The following ARK2C variants were observed in gnomAD, a reference collection of about 807,000 sequenced individuals.
ARK2C encodes arkadia (RNF111) C-terminal like ring finger ubiquitin ligase 2C.
the ARK2C span, among the ~76,000 whole-genome samples, chr18:46,437,011 C>T: frequency 0.036 from 5,421 of 152,296 alleles, 120 homozygotes; most frequent in Middle Eastern, 0.051. Context: ...AGCACAGGTG[C>T]TGGCCCTGTC....
At chr18:46,450,909 C>T in the ARK2C span, 3 of 766,772 alleles carry the variant, frequency 3.9e-6, no homozygotes, top group African/African-American at 5.1e-5. Flanking sequence ...ATTCTAGAAA[C>T]CTTTGCTCTG....
the ARK2C span, among the ~76,000 whole-genome samples, chr18:46,354,948 T>G: frequency 6.6e-6 from 1 of 152,180 alleles, no homozygotes; most frequent in Non-Finnish European, 1.5e-5. Flanking sequence ...CATTTTGCTT[T>G]TAATATATAC....
At chr18:46,363,587 A>C in the ARK2C span, among the ~76,000 whole-genome samples, 12 of 152,102 alleles carry the variant, frequency 7.9e-5, no homozygotes, top group Admixed American at 7.9e-4. Flanking sequence ...GTTGATGTCC[A>C]CTCAGTGTAC....
chr18:46,432,932 G>A, the ARK2C span, among the ~76,000 whole-genome samples: 2 of 152,144 alleles, frequency 1.3e-5, no homozygotes, highest in South Asian at 4.1e-4. Flanking sequence ...GCGACAGAGC[G>A]AGACTCCGTC....
the ARK2C span, among the ~76,000 whole-genome samples, chr18:46,414,033 T>A: frequency 2.0e-5 from 3 of 152,240 alleles, no homozygotes; most frequent in African/African-American, 7.2e-5. Context: ...CCAGGCCTCA[T>A]TTGTGTAGGG....
At chr18:46,440,241 C>T in the ARK2C span, among the ~76,000 whole-genome samples, 2 of 151,980 alleles carry the variant, frequency 1.3e-5, no homozygotes, top group Admixed American at 6.6e-5. Context: ...ATGTAAACCA[C>T]GGTCTGAAGA....
chr18:46,345,757 A>G, the ARK2C span, among the ~76,000 whole-genome samples: 18 of 152,324 alleles, frequency 1.2e-4, 1 homozygote, highest in South Asian at 6.2e-4. Flanking sequence ...TTTGAATGCA[A>G]ATACAGAATT....
chr18:46,441,891 G>C, the ARK2C span, among the ~76,000 whole-genome samples: 1 of 142,496 alleles, frequency 7.0e-6, no homozygotes. Context: ...GAGGCCGGGC[G>C]CGGTGGCTCA....
At chr18:46,449,263 C>T in the ARK2C span, among the ~76,000 whole-genome samples, 3 of 152,106 alleles carry the variant, frequency 2.0e-5, no homozygotes, top group Non-Finnish European at 4.4e-5. Context: ...GAGGGAAAGG[C>T]GAGTGAGGCA....
At chr18:46,445,352 A>G in the ARK2C span, among the ~76,000 whole-genome samples, 1 of 152,130 alleles carries the variant, frequency 6.6e-6, no homozygotes, top group African/African-American at 2.4e-5. Flanking sequence ...TGGGGTCTCT[A>G]TTGTATGACC....
the ARK2C span, among the ~76,000 whole-genome samples, chr18:46,425,816 C>G: frequency 6.6e-6 from 1 of 152,182 alleles, no homozygotes; most frequent in African/African-American, 2.4e-5. Context: ...TTTGGATGCT[C>G]TAACAGAAGG....
chr18:46,427,041 C>T, the ARK2C span, among the ~76,000 whole-genome samples: 1 of 152,228 alleles, frequency 6.6e-6, no homozygotes, highest in African/African-American at 2.4e-5. Context: ...GGTACTGTTA[C>T]AGACCCTACA....
chr18:46,454,052 G>T, the ARK2C span, among the ~76,000 whole-genome samples: 1 of 140,448 alleles, frequency 7.1e-6, no homozygotes, highest in East Asian at 2.1e-4. Flanking sequence ...GGTCAAGCCT[G>T]CAGTGAGCCG....
the ARK2C span, chr18:46,447,564 G>A: frequency 3.5e-5 from 57 of 1,613,952 alleles, no homozygotes; most frequent in Non-Finnish European, 4.6e-5. Context: ...TCCCTGCAGG[G>A]ATCTCAGTGT....
the ARK2C span, chr18:46,335,754 A>C: frequency 3.7e-6 from 1 of 267,098 alleles, no homozygotes; most frequent in Non-Finnish European, 5.8e-6. Context: ...AGCTGTCCCC[A>C]GCCCCGCGCC....
the ARK2C span, among the ~76,000 whole-genome samples, chr18:46,367,557 G>T: frequency 6.6e-6 from 1 of 152,182 alleles, no homozygotes; most frequent in Non-Finnish European, 1.5e-5. Context: ...TGGACCCATT[G>T]CCTTGTGCCC....
chr18:46,434,548 CT>C, the ARK2C span, among the ~76,000 whole-genome samples: 3 of 152,212 alleles, frequency 2.0e-5, no homozygotes, highest in Admixed American at 1.3e-4. Flanking sequence ...GAAAACCTCT[CT>C]GTTCATTTGT....
chr18:46,396,794 C>G, the ARK2C span, among the ~76,000 whole-genome samples: 1 of 152,220 alleles, frequency 6.6e-6, no homozygotes, highest in African/African-American at 2.4e-5. Flanking sequence ...GTCGGGACAG[C>G]TCAGGGCATC....
chr18:46,342,898 TG>T, the ARK2C span, among the ~76,000 whole-genome samples: 10 of 152,172 alleles, frequency 6.6e-5, no homozygotes, highest in African/African-American at 2.4e-4. Flanking sequence ...TGTTGTTTTT[TG>T]GGGGGGAGTG....
Sources: allele counts gnomAD v4.1 joint callset (sites outside exome capture counted in the v4.1 genomes callset), GRCh38; gene constraint gnomAD v4.1.1; transcripts MANE v1.5; gene names NCBI Gene and HGNC (gene_info 2026-07-23, HGNC 2026-07-21).